TOP1: variants seen among roughly 807,000 people sequenced by gnomAD.
TOP1 encodes the protein DNA topoisomerase I.
In TOP1, 10 loss-of-function variants were observed where a neutral mutation model predicts 111.1. That is an observed-to-expected ratio of 0.09 (90% CI 0.06 to 0.15). The LOEUF is 0.15. TOP1 is among the 10% of genes least tolerant of loss of function. The pLI is 1.00. For synonymous variants in TOP1, 271 were observed against 302.9 expected (o/e 0.89, Z 1.10); for missense variants, 474 against 926.7 (o/e 0.51, Z 6.34).
In TOP1 at chr20:41,089,914, T is replaced by G. The variant is rs74476677; in HGVS notation, c.615-2558T>G. Among the ~76,000 whole-genome samples, 31 of 152,338 alleles carry G rather than the reference T, an allele frequency of 2.0e-4. 1 individual carries two copies. In the East Asian group the frequency reaches 6.0e-3, roughly 29 times the overall value. ...GTTGCATATTTTTGCAGGTGCTTAT[T>G]GGCCACTTGTATATCTTCTTTAGAA... On this transcript the variant is annotated intron_variant, in intron 8 of 20. Coordinates refer to ENST00000361337, the MANE Select transcript of TOP1 (RefSeq NM_003286.4).
At chr20:41,093,814 G>C (rs566920507) in intron 9 of TOP1, among the ~76,000 whole-genome samples, 1 of 152,192 alleles carries the variant, frequency 6.6e-6, no homozygotes, top group East Asian at 1.9e-4. Context: ...GTAGGCCTAG[G>C]TAGTAGTTTA....
At chr20:41,068,350 A>G (rs1300344100) in intron 3 of TOP1, among the ~76,000 whole-genome samples, 6 of 152,232 alleles carry the variant, frequency 3.9e-5, no homozygotes, top group Admixed American at 2.0e-4. Flanking sequence ...TTCATCAGTC[A>G]TCACTTATCT....
intron 2 of TOP1, among the ~76,000 whole-genome samples, chr20:41,037,475 A>G (rs1293428044): frequency 1.3e-5 from 2 of 152,222 alleles, no homozygotes; most frequent in African/African-American, 4.8e-5. Flanking sequence ...TTTTTCATTT[A>G]TTCAAATAGT....
At chr20:41,076,796 A>G (rs1024963662) in intron 4 of TOP1, among the ~76,000 whole-genome samples, 4 of 152,168 alleles carry the variant, frequency 2.6e-5, no homozygotes, top group African/African-American at 9.7e-5. Context: ...TACTTGGTAA[A>G]TTCAGATACT....
intron 3 of TOP1, among the ~76,000 whole-genome samples, chr20:41,072,017 C>A (rs946046517): frequency 6.6e-6 from 1 of 152,154 alleles, no homozygotes; most frequent in African/African-American, 2.4e-5. Flanking sequence ...CTTTGGTTTC[C>A]TTCCTATGGT....
rs2033743536 is a variant in TOP1 at position 41,077,565 on chromosome 20, G to A, written c.280-17G>A. The A allele has an allele frequency of 2.5e-6, 4 of 1,611,912 alleles. No homozygotes were observed. The highest frequency in any genetic ancestry group is 1.1e-5 in the South Asian group (1 of 91,042). On this transcript the variant is annotated splice_polypyrimidine_tract_variant and intron_variant, in intron 4 of 20. Transcript: ENST00000361337. ...TAGTCCTTTCAAGGTACTAGTTACT[G>A]TTGTTTTACTTTTCAGGTTCGAGCC...
In TOP1 at chr20:41,034,105, A is replaced by G. The variant is rs1171995354; in HGVS notation, c.58+4650A>G. On this transcript the variant is annotated intron_variant, in intron 2 of 20. Coordinates refer to ENST00000361337, the MANE Select transcript of TOP1 (RefSeq NM_003286.4). This position sits in a 1 kb window ranked among gnomAD's most constrained non-coding sequence, Gnocchi z 4.0. ...CTGACTATCCCTTAATTATTTTGAA[A>G]CCATTAACTTTGGATAATAAGGGCA... Among the ~76,000 whole-genome samples, 1 of 152,224 alleles carries G rather than the reference A, an allele frequency of 6.6e-6. No homozygotes were observed. Among genetic ancestry groups the G allele is most frequent in the Non-Finnish European group, 1.5e-5 (1 of 68,032 alleles).
In TOP1 at chr20:41,060,932, A is replaced by T. The variant is rs2033537075; in HGVS notation, c.59-462A>T. On this transcript the variant is annotated intron_variant, in intron 2 of 20. Coordinates refer to ENST00000361337, the MANE Select transcript of TOP1 (RefSeq NM_003286.4). ...GCAAATGGTTGAATCTATGGTGCTG[A>T]ACCTGTAGATATGGAGGGCTGATTG... is the stretch of plus-strand genomic sequence containing the variant. Among the ~76,000 whole-genome samples, 4 of 152,278 alleles carry T rather than the reference A, an allele frequency of 2.6e-5. No homozygotes were observed. The South Asian group carries it at 6.2e-4, about 24-fold the overall frequency.
chr20:41,058,941 TA>T lies in TOP1; in HGVS notation c.59-2445del, dbSNP rs1043569797. ...AATTTTCATTAATGGTAGACTGGAT[TA>T]AAAAAAAGAATGTGGCGCATGTACA... On this transcript the variant is annotated intron_variant, in intron 2 of 20. Coordinates refer to ENST00000361337, the MANE Select transcript of TOP1 (RefSeq NM_003286.4). This position sits in a 1 kb window ranked among gnomAD's most constrained non-coding sequence, Gnocchi z 4.2. 1.3e-5 allele frequency among the ~76,000 whole-genome samples: 2 copies of T among 151,778 alleles called. No homozygotes were observed. The highest frequency in any genetic ancestry group is 2.9e-5 in the Non-Finnish European group (2 of 67,952).
Position 41,029,051 on chromosome 20 carries a change from C to T in TOP1, c.-17C>T, listed in dbSNP as rs781278942. The T allele has an allele frequency of 1.6e-5, 24 of 1,547,150 alleles. No homozygotes were observed. Among genetic ancestry groups the T allele is most frequent in the Middle Eastern group, 4.0e-4 (2 of 5,054 alleles). On this transcript the variant is annotated 5_prime_UTR_variant, in exon 1 of 21. Coordinates refer to ENST00000361337, the MANE Select transcript of TOP1 (RefSeq NM_003286.4). This position sits in a 1 kb window ranked among gnomAD's most constrained non-coding sequence, Gnocchi z 6.1. Reference sequence around the variant, plus strand: ...ACGCCGCCTCGCCTGCCGCCGCGCTCGTCCCTCCGGGCCGACATGAGTGGG... The same window carrying T: ...ACGCCGCCTCGCCTGCCGCCGCGCTTGTCCCTCCGGGCCGACATGAGTGGG...
At chr20:41,120,703 C>T (rs1021635575) in intron 18 of TOP1, among the ~76,000 whole-genome samples, 1 of 152,212 alleles carries the variant, frequency 6.6e-6, no homozygotes, top group Non-Finnish European at 1.5e-5. Context: ...AGTGTTTTCA[C>T]ATCCATTGAG....
chr20:41,119,255 G>A (rs983379820), intron 18 of TOP1, among the ~76,000 whole-genome samples: 3 of 152,176 alleles, frequency 2.0e-5, no homozygotes, highest in East Asian at 3.8e-4. Context: ...TGATGATAAA[G>A]TCATAAGTGC....
intron 2 of TOP1, among the ~76,000 whole-genome samples, chr20:41,054,228 G>T (rs982975052): frequency 2.0e-5 from 3 of 152,156 alleles, no homozygotes; most frequent in Non-Finnish European, 4.4e-5. Flanking sequence ...CACCCGGGCA[G>T]TTACCTCCAT....
rs573553246 is a variant in TOP1, at chr20:41,037,274, A to AT, written c.58+7821dup. Reference sequence around the variant, plus strand: ...CATTTAATAGAATTATGGATTTTCTATTAAAAATAACTTGACCCTTTTCGA... The same window carrying AT: ...CATTTAATAGAATTATGGATTTTCTATTTAAAAATAACTTGACCCTTTTCGA... On this transcript the variant is annotated intron_variant, in intron 2 of 20. Coordinates refer to ENST00000361337, the MANE Select transcript of TOP1 (RefSeq NM_003286.4). Among the ~76,000 whole-genome samples the AT allele has an allele frequency of 3.3e-3, 505 of 152,364 alleles. 1 individual carries two copies. The highest frequency in any genetic ancestry group is 3.6e-3 in the Non-Finnish European group (242 of 68,032).
In TOP1 at chr20:41,114,071, G is replaced by T. The variant is rs1229325167; in HGVS notation, c.1554G>T (p.Leu518Phe). 4.3e-6 allele frequency: 7 copies of T among 1,614,168 alleles called. No homozygotes were observed. The highest frequency in any genetic ancestry group is 8.5e-7 in the Non-Finnish European group (1 of 1,179,994). Residue 518 changes from leucine (L) to phenylalanine (F), a missense_variant, in exon 15 of 21, where the codon TTG becomes TTT. By Grantham distance (22) the Leu-to-Phe change is conservative. Around this residue, in one of 14 missense-constraint regions of TOP1, gnomAD observed 18 missense variants for 16.4 expected, o/e 1.10. Transcript: ENST00000361337. The surrounding 1 kb of genome is among the most constrained non-coding windows in gnomAD (Gnocchi z 4.5). ...AGCACATCAATCTACACCCAGAGTTGGATGGTCAGGAATATGTGGTAGAGT... is the reference window on the plus strand; with the variant it reads ...AGCACATCAATCTACACCCAGAGTTTGATGGTCAGGAATATGTGGTAGAGT... ...RVEHINLHPELDGQEYVVEFD... is the reference protein window; with the variant it reads ...RVEHINLHPEFDGQEYVVEFD...
intron 8 of TOP1, among the ~76,000 whole-genome samples, chr20:41,086,583 G>A (rs1334051520): frequency 6.6e-6 from 1 of 152,186 alleles, no homozygotes; most frequent in Non-Finnish European, 1.5e-5. Context: ...AGTGCGCTGG[G>A]TCCAGCCTTG....
chr20:41,042,184 A>G (rs138697804), intron 2 of TOP1, among the ~76,000 whole-genome samples: 258 of 152,314 alleles, frequency 1.7e-3, no homozygotes, highest in Non-Finnish European at 3.0e-3. Context: ...TGCTTAGATT[A>G]CAGTAGTGAG....
At chr20:41,056,205 A>G (rs962095876) in intron 2 of TOP1, among the ~76,000 whole-genome samples, 3 of 152,200 alleles carry the variant, frequency 2.0e-5, no homozygotes, top group African/African-American at 7.2e-5. Flanking sequence ...CTACTGCAGA[A>G]TATCTCTACA....
intron 2 of TOP1, among the ~76,000 whole-genome samples, chr20:41,039,651 G>A (rs533994510): frequency 6.6e-6 from 1 of 152,154 alleles, no homozygotes; most frequent in Non-Finnish European, 1.5e-5. Flanking sequence ...GCTCATGCCT[G>A]TAATTCCACC....
Sources: allele counts gnomAD v4.1 joint callset (sites outside exome capture counted in the v4.1 genomes callset), GRCh38; gene constraint gnomAD v4.1.1; regional missense constraint gnomAD v4.1.1; non-coding constraint Gnocchi (gnomAD v3.1); transcripts MANE v1.5; gene names NCBI Gene and HGNC (gene_info 2026-07-23, HGNC 2026-07-21).